ANK3: variants seen among roughly 807,000 people sequenced by gnomAD.
ANK3 encodes the protein ankyrin 3.
In ANK3, 57 loss-of-function variants were observed where a neutral mutation model predicts 370.9. The ratio of observed to expected loss-of-function variants is 0.15; its 90% CI spans 0.12 to 0.19. The LOEUF (loss-of-function observed/expected upper bound fraction) is 0.19. Ranked by LOEUF, ANK3 falls within the 10% of genes least tolerant of loss-of-function variation. The pLI, the probability that ANK3 is intolerant of heterozygous loss-of-function variation, is 1.00. For synonymous variants in ANK3, 1,929 were observed against 1,946.3 expected, an observed-to-expected ratio of 0.99 and a Z score of 0.23; for missense variants, 4,439 against 5,302.1, an observed-to-expected ratio of 0.84 and a Z score of 5.06.
chr10:60,317,758 G>A (rs1382610863), intron 1 of ANK3, among the ~76,000 whole-genome samples: 2 of 147,352 alleles, frequency 1.4e-5, no homozygotes, highest in Non-Finnish European at 3.0e-5. Flanking sequence ...CTGTCACCCA[G>A]GCTGGAGTGC....
chr10:60,557,709 C>A (rs1463572004), intron 2 of ANK3, among the ~76,000 whole-genome samples: 10 of 152,144 alleles, frequency 6.6e-5, no homozygotes, highest in African/African-American at 1.7e-4. Context: ...AAAAGAATGA[C>A]AAATTGCCCA....
chr10:60,348,961 T>G (rs1193207645), intron 1 of ANK3, among the ~76,000 whole-genome samples: 2 of 152,124 alleles, frequency 1.3e-5, no homozygotes, highest in African/African-American at 2.4e-5. Flanking sequence ...AATGTGTACA[T>G]CTCTCATACA....
chr10:60,646,741 T>G (rs924983826), intron 1 of ANK3, among the ~76,000 whole-genome samples: 2 of 152,170 alleles, frequency 1.3e-5, no homozygotes, highest in African/African-American at 4.8e-5. Context: ...TAATGACTAT[T>G]AAGCAGTTAC....
chr10:60,546,705 A>T (rs1391156185), intron 2 of ANK3, among the ~76,000 whole-genome samples: 2 of 152,190 alleles, frequency 1.3e-5, no homozygotes, highest in Non-Finnish European at 2.9e-5. Context: ...GGTGGAACGT[A>T]CACACAGAGG....
chr10:60,722,923 C>T (rs2079885006), intron 1 of ANK3, among the ~76,000 whole-genome samples: 1 of 152,216 alleles, frequency 6.6e-6, no homozygotes, highest in South Asian at 2.1e-4. Flanking sequence ...CCTGTACAGC[C>T]TGTAGAACCA....
chr10:60,366,102 A>G (rs1215603824), intron 1 of ANK3, among the ~76,000 whole-genome samples: 1 of 152,152 alleles, frequency 6.6e-6, no homozygotes, highest in Admixed American at 6.5e-5. Flanking sequence ...TGGGAGGCCA[A>G]GGCAAATGGA....
chr10:60,381,821 A>G (rs913115762), intron 1 of ANK3, among the ~76,000 whole-genome samples: 3 of 152,152 alleles, frequency 2.0e-5, no homozygotes, highest in Non-Finnish European at 2.9e-5. Flanking sequence ...AGGCCCAAAG[A>G]AATTTAGTTC....
At chr10:60,408,249 G>T (rs543649686) in intron 2 of ANK3, among the ~76,000 whole-genome samples, 7 of 152,260 alleles carry the variant, frequency 4.6e-5, no homozygotes, top group African/African-American at 1.7e-4. Context: ...ATGTTTAATT[G>T]TCACCTCCAT....
At position 60,076,317 on chromosome 10, in the gene ANK3, T is replaced by C; in HGVS notation, c.4564A>G (p.Thr1522Ala). 6.2e-7 allele frequency: 1 copy of C among 1,614,066 alleles called. No individual in the cohort carries two copies. Among genetic ancestry groups the C allele is most frequent in the South Asian group, 1.1e-5 (1 of 91,082 alleles). ...TTAGAGGAAGAACTTGATAAGGAAG[T>C]GAAGCCTGACTTGGCTGGCCCAGGC... ...TVPGPAKSGF[T>A]SLSSSSSNTP... Residue 1522 changes from threonine to alanine, a missense_variant, in exon 37 of 44, where the codon ACT becomes GCT. Thr to Ala is a moderately conservative substitution (Grantham distance 58). Around this residue, in one of 13 missense-constraint regions of ANK3, gnomAD observed 679 missense variants for 791.0 expected, o/e 0.86. Transcript: ENST00000280772.
At chr10:60,271,175 A>G (rs940664677) in intron 4 of ANK3, among the ~76,000 whole-genome samples, 1 of 152,138 alleles carries the variant, frequency 6.6e-6, no homozygotes, top group Non-Finnish European at 1.5e-5. Context: ...TCAAACTATA[A>G]TTCTTTTATT....
chr10:60,510,675 C>A (rs1199483106), intron 2 of ANK3, among the ~76,000 whole-genome samples: 1 of 152,070 alleles, frequency 6.6e-6, no homozygotes, highest in East Asian at 1.9e-4. Context: ...AAAAATTCAG[C>A]CAGCCATGGT....
intron 43 of ANK3, among the ~76,000 whole-genome samples, chr10:60,032,490 G>A (rs773131279): frequency 3.3e-5 from 5 of 152,014 alleles, no homozygotes; most frequent in Non-Finnish European, 5.9e-5. Context: ...TTATAGACAT[G>A]AGCCACTGCG....
intron 6 of ANK3, among the ~76,000 whole-genome samples, chr10:60,263,171 C>G (rs1438358093): frequency 2.0e-5 from 3 of 151,932 alleles, no homozygotes; most frequent in Non-Finnish European, 4.4e-5. Flanking sequence ...CATTTGGAAG[C>G]AAAGAGGAGG....
chr10:60,172,355 C>G lies in ANK3; in HGVS notation c.2431G>C (p.Val811Leu). Residue 811 changes from valine (V) to leucine (L), a missense_variant, in exon 21 of 44, where the codon GTA (valine) becomes CTA (leucine). Around this residue, in one of 13 missense-constraint regions of ANK3, gnomAD observed 702 missense variants for 941.5 expected, o/e 0.75. Coordinates refer to ENST00000280772, the MANE Select transcript of ANK3 (RefSeq NM_020987.5). ...GTCACTATCTTCAGGGTGTCCACTA[C>G]TGAGATGTAGCCGAGGCGCCGGGCA... Reference protein sequence around the residue: ...GIARRLGYISVVDTLKIVTEE... With the variant: ...GIARRLGYISLVDTLKIVTEE... The G allele has an allele frequency of 1.9e-6, 3 of 1,614,046 alleles. No homozygotes were observed.
rs114643750 is a variant in ANK3 at position 60,229,368 on chromosome 10, G to C, written c.897+5320C>G. Among the ~76,000 whole-genome samples the C allele has an allele frequency of 5.3e-3, 803 of 152,260 alleles. 9 individuals are homozygous for C. The highest frequency in any genetic ancestry group is 0.018 in the African/African-American group (749 of 41,544). ...ACTGTTTTAGAATTTCTTTTTCAGA[G>C]AGACTATTCTATGACTTTGAAATAT... On this transcript the variant is annotated intron_variant, in intron 8 of 43. Transcript: ENST00000280772.
In ANK3 at chr10:60,181,341, G is replaced by A. The variant is rs781145806; in HGVS notation, c.2172C>T (p.Asp724=). The stretch of plus-strand genomic sequence containing the variant: ...GAGGGCCGTATACCTTTGTCTGGGC[G>A]TCCACATGAGCCCCTTGGTTTACGA... ...EVLVNQGAHV[D]AQTKMGYTPL... The change falls in exon 18 of 44, where the codon GAC becomes GAT. Residue 724 remains aspartate, a synonymous_variant. Coordinates refer to ENST00000280772, the MANE Select transcript of ANK3 (RefSeq NM_020987.5). 160 of 1,613,942 alleles carry A rather than the reference G, an allele frequency of 9.9e-5. No homozygotes were observed. The highest frequency in any genetic ancestry group is 3.7e-4 in the Admixed American group (22 of 59,990).
chr10:60,223,941 G>A (rs1285997040), intron 8 of ANK3, among the ~76,000 whole-genome samples: 1 of 148,414 alleles, frequency 6.7e-6, no homozygotes, highest in African/African-American at 2.6e-5. Flanking sequence ...TTAGAGCCAC[G>A]CTTTTTTTTT....
rs143175616 is a variant in ANK3 at position 60,149,708 on chromosome 10, T to C, written c.2615-10621A>G. On this transcript the variant is annotated intron_variant, in intron 23 of 43. Coordinates refer to ENST00000280772, the MANE Select transcript of ANK3 (RefSeq NM_020987.5). ...TCACCAAGGATTCCCATACCCCTTA[T>C]TTTGTTTTGTTGTTATTTGAGACGA... Among the ~76,000 whole-genome samples the C allele has an allele frequency of 4.2e-3, 639 of 152,282 alleles. 13 individuals are homozygous for C. Among genetic ancestry groups the C allele is most frequent in the East Asian group, 1.4e-3 (7 of 5,180 alleles).
intron 43 of ANK3, among the ~76,000 whole-genome samples, chr10:60,031,974 A>C (rs1439376599): frequency 6.6e-6 from 1 of 151,980 alleles, no homozygotes; most frequent in Non-Finnish European, 1.5e-5. Context: ...TGGGTAGATC[A>C]TCTTGCAGAG....
Sources: allele counts gnomAD v4.1 joint callset (sites outside exome capture counted in the v4.1 genomes callset), GRCh38; gene constraint gnomAD v4.1.1; regional missense constraint gnomAD v4.1.1; transcripts MANE v1.5; gene names NCBI Gene and HGNC (gene_info 2026-07-23, HGNC 2026-07-21).